Variants in SUN5 observed in about 807,000 individuals in gnomAD.
SUN5 encodes Sad1 and UNC84 domain containing 5.
In SUN5, 44 loss-of-function variants were observed where a neutral mutation model predicts 53.7. The ratio of observed to expected loss-of-function variants is 0.82; its 90% CI spans 0.64 to 1.05. The LOEUF (loss-of-function observed/expected upper bound fraction) is 1.05, where lower values mean the gene tolerates loss of function less well. SUN5 is among the 50% of genes least tolerant of loss of function. The pLI, the probability that SUN5 is intolerant of heterozygous loss-of-function variation, is 0.00. For synonymous variants in SUN5, 166 were observed against 179.8 expected (o/e 0.92, Z 0.62); for missense variants, 433 against 483.8 (o/e 0.90, Z 0.98).
Position 33,004,296 on chromosome 20 carries a change from G to A in SUN5, c.45C>T (p.Leu15=), listed in dbSNP as rs768675300. 1.6e-5 allele frequency: 26 copies of A among 1,579,648 alleles called. No homozygotes were observed. Among genetic ancestry groups the A allele is most frequent in the South Asian group, 3.5e-5 (3 of 85,546 alleles). Residue 15 remains leucine, a synonymous_variant, in exon 1 of 13, where the codon CTC becomes CTT. Coordinates refer to ENST00000356173, the MANE Select transcript of SUN5 (RefSeq NM_080675.4). The part of the protein sequence containing the change: ...SRSPGDPGAL[L]EDVAHNPRPR... The stretch of plus-strand genomic sequence containing the variant: ...GTCTGGGATTGTGGGCCACATCTTC[G>A]AGTAGGGCGCCTGGGTCCCCAGGGC...
intron 8 of SUN5, among the ~76,000 whole-genome samples, chr20:32,992,629 T>G (rs1989739493): frequency 6.6e-6 from 1 of 152,204 alleles, no homozygotes; most frequent in Non-Finnish European, 1.5e-5. Context: ...ACATTTTTGT[T>G]CATCACCATT....
At chr20:32,986,020 G>T in intron 10 of SUN5, 117 bp from the exon 11 acceptor site, 1 of 1,245,060 alleles carries the variant, frequency 8.0e-7, no homozygotes, top group Non-Finnish European at 1.1e-6. Context: ...TGTCTCCAAA[G>T]CTTGGCTCAA....
chr20:32,993,261 C>T (rs1174272057), intron 8 of SUN5, among the ~76,000 whole-genome samples: 2 of 152,194 alleles, frequency 1.3e-5, no homozygotes, highest in African/African-American at 4.8e-5. Context: ...GTGGCCAGCC[C>T]ATAGGCACAT....
Position 32,983,846 on chromosome 20 carries a change from A to G in SUN5, c.1088T>C (p.Val363Ala), listed in dbSNP as rs780891676. Residue 363 changes from valine (V) to alanine (A), a missense_variant, in exon 13 of 13, where the codon GTG (valine) becomes GCG (alanine). Coordinates refer to ENST00000356173, the MANE Select transcript of SUN5 (RefSeq NM_080675.4). ...CLYRVRVHGS[V>A]APPREQPHQN... ...GTGAGGCTGCTCTCTGGGCGGGGCC[A>G]CAGAGCCATGCACTCGCACGCGGTA... 4.0e-5 allele frequency: 63 copies of G among 1,592,156 alleles called. No homozygotes were observed. The highest frequency in any genetic ancestry group is 3.5e-4 in the Admixed American group (20 of 57,472).
rs372883838 is a variant in SUN5 at position 33,000,075 on chromosome 20, G to A, written c.339C>T (p.Phe113=). The A allele has an allele frequency of 8.1e-6, 13 of 1,608,822 alleles. No individual in the cohort carries two copies. The highest frequency in any genetic ancestry group is 2.2e-5 in the East Asian group (1 of 44,722). The change falls in exon 5 of 13, where the codon TTC becomes TTT. Residue 113 remains phenylalanine, a splice_region_variant and synonymous_variant. Transcript: ENST00000356173. The part of the protein sequence containing the change: ...EKTGILLLCA[F]GFWMFSIHLP... Reference sequence around the variant, plus strand: ...ACTGGGCAGGGCCCTGGGACACACCGAAAGCACAGAGGAGCAGAATGCCTG... The same window carrying A: ...ACTGGGCAGGGCCCTGGGACACACCAAAAGCACAGAGGAGCAGAATGCCTG...
intron 5 of SUN5, among the ~76,000 whole-genome samples, chr20:32,998,628 C>T (rs913194009): frequency 2.0e-5 from 3 of 152,146 alleles, no homozygotes; most frequent in Middle Eastern, 3.2e-3. Context: ...AAAGACTGGG[C>T]GCTTTTCCCC....
chr20:33,002,670 A>G lies in SUN5; in HGVS notation c.137-9T>C. 1 of 1,614,188 alleles carries G rather than the reference A, an allele frequency of 6.2e-7. No individual in the cohort carries two copies. Among genetic ancestry groups the G allele is most frequent in the Non-Finnish European group, 8.5e-7 (1 of 1,180,028 alleles). On this transcript the variant is annotated splice_polypyrimidine_tract_variant and intron_variant, in intron 2 of 12. Coordinates refer to ENST00000356173, the MANE Select transcript of SUN5 (RefSeq NM_080675.4). ...CAACAGGATGTTGTCATCTGCAGAGAGCACAGGACTGTCATGTCACTGCCA... is the reference window on the plus strand; with the variant it reads ...CAACAGGATGTTGTCATCTGCAGAGGGCACAGGACTGTCATGTCACTGCCA...
At chr20:32,996,385 G>T (rs752039525) in intron 6 of SUN5, 27 bp from the exon 7 acceptor site, 25 of 1,607,488 alleles carry the variant, frequency 1.6e-5, no homozygotes, top group Middle Eastern at 1.7e-4. Context: ...AAAGTAAGGG[G>T]TCTCCTTCAG....
intron 1 of SUN5, among the ~76,000 whole-genome samples, chr20:33,003,346 G>T (rs1990105099): frequency 6.6e-6 from 1 of 152,138 alleles, no homozygotes; most frequent in African/African-American, 2.4e-5. Context: ...TGGGGGAAAA[G>T]TTAGGTTTAG....
chr20:32,996,396 A>G, intron 6 of SUN5, 38 bp from the exon 7 acceptor site: 1 of 1,597,372 alleles, frequency 6.3e-7, no homozygotes, highest in East Asian at 2.2e-5. Context: ...TCTCCTTCAG[A>G]TGGCTTAATC....
Position 32,985,841 on chromosome 20 carries a change from T to C in SUN5, c.792A>G (p.Gln264=). 4 of 1,614,056 alleles carry C rather than the reference T, an allele frequency of 2.5e-6. No homozygotes were observed. The highest frequency in any genetic ancestry group is 3.4e-6 in the Non-Finnish European group (4 of 1,179,954). Residue 264 remains glutamine (Q), a synonymous_variant, in exon 11 of 13, where the codon CAA becomes CAG. Transcript: ENST00000356173. ...FEGDRGQVTI[Q]LAQKVYLSNL... is the part of the protein sequence containing the mutation. The stretch of plus-strand genomic sequence containing the variant: ...TGGACAGGTAAACCTTCTGAGCCAA[T>C]TGGATGGTCACCTGGCCGCGGTCAC...
intron 5 of SUN5, among the ~76,000 whole-genome samples, chr20:32,999,321 A>G (rs4911281): frequency 0.45 from 68,469 of 151,888 alleles, 16,141 homozygotes; most frequent in East Asian, 0.83. Flanking sequence ...TAGGCTGGGC[A>G]CGATGGCTCA....
At chr20:32,989,781 G>T in intron 8 of SUN5, 83 bp from the exon 9 acceptor site, 4 of 1,158,982 alleles carry the variant, frequency 3.5e-6, no homozygotes, top group Non-Finnish European at 5.1e-6. Flanking sequence ...GGTAACAGGG[G>T]GCTGCAGGAC....
At chr20:32,989,994 G>A (rs771666156) in intron 8 of SUN5, among the ~76,000 whole-genome samples, 29 of 152,150 alleles carry the variant, frequency 1.9e-4, no homozygotes, top group Non-Finnish European at 3.2e-4. Context: ...TTACTGTTGT[G>A]GGGCCTTGGG....
chr20:33,000,975 G>A lies in SUN5; in HGVS notation c.278+237C>T, dbSNP rs561952961. 9.2e-5 allele frequency among the ~76,000 whole-genome samples: 14 copies of A among 152,272 alleles called. No homozygotes were observed. In the South Asian group the frequency reaches 2.9e-3, roughly 32 times the overall value. ...ATGGGTCCCTGGCAGGAAGCCAAGT[G>A]AGAGCAGCTTGGAAAGGAAGGGTGG... On this transcript the variant is annotated intron_variant, in intron 4 of 12. Coordinates refer to ENST00000356173, the MANE Select transcript of SUN5 (RefSeq NM_080675.4).
chr20:32,998,630 CT>C (rs1989916262), intron 5 of SUN5, among the ~76,000 whole-genome samples: 1 of 152,174 alleles, frequency 6.6e-6, no homozygotes, highest in East Asian at 1.9e-4. Context: ...AGACTGGGCG[CT>C]TTTCCCCTAA....
In SUN5 at chr20:32,985,105, T is replaced by C; in HGVS notation, c.978A>G (p.Pro326=). Reference sequence around the variant, plus strand: ...GGCAGCTCTTCGCAGGTACCTGGAGTGGGAACATCTGGATGATGTTTTCTG... The same window carrying C: ...GGCAGCTCTTCGCAGGTACCTGGAGCGGGAACATCTGGATGATGTTTTCTG... The part of the protein sequence containing the change: ...FQPENIIQMF[P]LQNQPARAFS... The change falls in exon 12 of 13, where the codon CCA becomes CCG. Residue 326 remains proline (P), a synonymous_variant. Coordinates refer to ENST00000356173, the MANE Select transcript of SUN5 (RefSeq NM_080675.4). 2 of 1,613,850 alleles carry C rather than the reference T, an allele frequency of 1.2e-6. No individual in the cohort carries two copies. The highest frequency in any genetic ancestry group is 1.7e-6 in the Non-Finnish European group (2 of 1,179,918).
At chr20:32,985,552 T>C (rs998728623) in intron 11 of SUN5, among the ~76,000 whole-genome samples, 184 bp downstream of exon 11, 3 of 152,138 alleles carry the variant, frequency 2.0e-5, no homozygotes, top group Admixed American at 2.0e-4. Context: ...AGTAGCTGTT[T>C]ATCCCCTACC....
At chr20:32,994,953 G>T (rs1457441802) in intron 8 of SUN5, among the ~76,000 whole-genome samples, 1 of 151,938 alleles carries the variant, frequency 6.6e-6, no homozygotes, top group African/African-American at 2.4e-5. Context: ...CTGAAGAAAG[G>T]TTAATAGGAA....
Sources: gnomAD v4.1 joint callset for allele counts (sites outside exome capture counted in the v4.1 genomes callset) on GRCh38, gnomAD v4.1.1 for gene constraint, MANE v1.5 for transcripts, NCBI Gene and HGNC (gene_info 2026-07-23, HGNC 2026-07-21) for gene names.